CNTN5: variants seen among roughly 807,000 people sequenced by gnomAD.
The protein encoded by CNTN5 is contactin 5.
In CNTN5, 77 loss-of-function variants were observed where a neutral mutation model predicts 129.1. The ratio of observed to expected loss-of-function variants is 0.60; its 90% CI spans 0.50 to 0.72. The LOEUF is 0.72. CNTN5 is among the 30% of genes least tolerant of loss of function. CNTN5 has a pLI of 0.00. For missense variants in CNTN5, 1,478 were observed against 1,328.8 expected (o/e 1.11, Z -1.75); for synonymous variants, 509 against 465.6 (o/e 1.09, Z -1.20).
intron 3 of CNTN5, among the ~76,000 whole-genome samples, chr11:99,694,860 G>A (rs12420755): frequency 7.2e-5 from 11 of 152,090 alleles, no homozygotes; most frequent in South Asian, 4.1e-4. Flanking sequence ...CATGAACTGC[G>A]TCTCAAAACC....
At chr11:99,970,256 T>C (rs1472124026) in intron 8 of CNTN5, among the ~76,000 whole-genome samples, 1 of 152,216 alleles carries the variant, frequency 6.6e-6, no homozygotes, top group Non-Finnish European at 1.5e-5. Context: ...CAAAACACAC[T>C]GTCAAAAACA....
rs185710084 is a variant in CNTN5, at chr11:100,276,711, G to T, written c.2314+5470G>T. Among the ~76,000 whole-genome samples, 1,109 of 151,888 alleles carry T rather than the reference G, an allele frequency of 7.3e-3. 13 individuals are homozygous for T. The highest frequency in any genetic ancestry group is 0.01 in the Non-Finnish European group (708 of 67,966). On this transcript the variant is annotated intron_variant, in intron 18 of 24. Coordinates refer to ENST00000524871, the MANE Select transcript of CNTN5 (RefSeq NM_014361.4). Reference sequence around the variant, plus strand: ...ATACAGTAGGTATATATATTTTGGGGTTACATGAGATATTTTGATACAGGC... The same window carrying T: ...ATACAGTAGGTATATATATTTTGGGTTTACATGAGATATTTTGATACAGGC...
intron 16 of CNTN5, among the ~76,000 whole-genome samples, chr11:100,244,079 G>A (rs1040281510): frequency 3.3e-5 from 5 of 151,862 alleles, no homozygotes; most frequent in Non-Finnish European, 7.4e-5. Flanking sequence ...AAAATGTACT[G>A]GTTTCCACTA....
At position 100,195,088 on chromosome 11, in the gene CNTN5, C is replaced by T. The variant is rs147478541; in HGVS notation, c.1884+1425C>T. Among the ~76,000 whole-genome samples the T allele has an allele frequency of 9.4e-3, 1,427 of 151,826 alleles. 25 individuals are homozygous for T. Among genetic ancestry groups the T allele is most frequent in the African/African-American group, 0.032 (1,337 of 41,494 alleles). ...CTTCCTTTACCTTGGGTGATAATTC[C>T]TTCCTACAATACTTTTCCTACACAT... On this transcript the variant is annotated intron_variant, in intron 15 of 24. Transcript: ENST00000524871.
intron 18 of CNTN5, among the ~76,000 whole-genome samples, chr11:100,276,600 A>C (rs914219583): frequency 6.6e-6 from 1 of 151,576 alleles, no homozygotes; most frequent in Non-Finnish European, 1.5e-5. Context: ...AAATTGGTTC[A>C]GTCCAATTTC....
chr11:100,081,894 A>G (rs1322456410), intron 13 of CNTN5, among the ~76,000 whole-genome samples: 1 of 152,158 alleles, frequency 6.6e-6, no homozygotes, highest in Non-Finnish European at 1.5e-5. Flanking sequence ...TGAGATTAAT[A>G]TTTGGGGAAC....
intron 2 of CNTN5, among the ~76,000 whole-genome samples, chr11:99,412,372 A>C (rs1226837929): frequency 1.3e-5 from 2 of 152,192 alleles, no homozygotes; most frequent in Non-Finnish European, 2.9e-5. Context: ...ATATATAAAG[A>C]TCCCAACTTC....
At chr11:99,473,457 G>C (rs1034427391) in intron 2 of CNTN5, among the ~76,000 whole-genome samples, 1 of 152,044 alleles carries the variant, frequency 6.6e-6, no homozygotes, top group Non-Finnish European at 1.5e-5. Context: ...GCAAATTTTG[G>C]CTTTCTCATA....
At chr11:99,940,884 A>T (rs1452131220) in intron 7 of CNTN5, among the ~76,000 whole-genome samples, 1 of 149,526 alleles carries the variant, frequency 6.7e-6, no homozygotes, top group Non-Finnish European at 1.5e-5. Context: ...GCAAAACTGT[A>T]CAAGGAAGCA....
In CNTN5 at chr11:99,161,183, C is replaced by A. The variant is rs368976163; in HGVS notation, c.-210+139913C>A. Among the ~76,000 whole-genome samples, 14 of 151,944 alleles carry A rather than the reference C, an allele frequency of 9.2e-5. No homozygotes were observed. The East Asian group carries it at 1.4e-3, about 15-fold the overall frequency. ...ATATTTGTTTGCATGTTAATTACTG[C>A]AAATGTGAGTAGGAAGCATGATTAT... On this transcript the variant is annotated intron_variant, in intron 1 of 24. Coordinates refer to ENST00000524871, the MANE Select transcript of CNTN5 (RefSeq NM_014361.4).
chr11:100,198,240 T>C (rs987438936), intron 15 of CNTN5, among the ~76,000 whole-genome samples: 1 of 151,974 alleles, frequency 6.6e-6, no homozygotes, highest in African/African-American at 2.4e-5. Flanking sequence ...AAGAAAAATA[T>C]GACCATAAAA....
intron 1 of CNTN5, among the ~76,000 whole-genome samples, chr11:99,273,664 G>A (rs1863286078): frequency 2.0e-5 from 3 of 151,288 alleles, no homozygotes; most frequent in Admixed American, 1.3e-4. Flanking sequence ...AAGAAATTTG[G>A]GATAATTGAG....
At chr11:99,748,778 G>C (rs75459308) in intron 3 of CNTN5, among the ~76,000 whole-genome samples, 5,248 of 152,254 alleles carry the variant, frequency 0.034, 130 homozygotes, top group South Asian at 0.095. Flanking sequence ...GTTCTATCCA[G>C]GTCCTCAATG....
intron 3 of CNTN5, among the ~76,000 whole-genome samples, chr11:99,774,786 C>T (rs1945067527): frequency 6.6e-6 from 1 of 152,032 alleles, no homozygotes; most frequent in Admixed American, 6.6e-5. Flanking sequence ...AAACATGACT[C>T]TTTTCTGGCT....
chr11:99,987,095 C>T (rs1174369110), intron 8 of CNTN5, among the ~76,000 whole-genome samples: 1 of 152,024 alleles, frequency 6.6e-6, no homozygotes, highest in Non-Finnish European at 1.5e-5. Context: ...AGAACACAAA[C>T]ATTGAAATAC....
chr11:100,030,476 A>T (rs1483830510), intron 9 of CNTN5, among the ~76,000 whole-genome samples: 1 of 152,184 alleles, frequency 6.6e-6, no homozygotes, highest in African/African-American at 2.4e-5. Context: ...TATCATTAAC[A>T]TGGCATTTTT....
At chr11:99,938,385 T>C (rs1950361929) in intron 7 of CNTN5, among the ~76,000 whole-genome samples, 1 of 152,134 alleles carries the variant, frequency 6.6e-6, no homozygotes, top group African/African-American at 2.4e-5. Flanking sequence ...TGACACATAG[T>C]AAGTTCTTAT....
chr11:100,355,516 A>G (rs1303339470), intron 24 of CNTN5, among the ~76,000 whole-genome samples: 4 of 151,842 alleles, frequency 2.6e-5, no homozygotes, highest in African/African-American at 9.7e-5. Flanking sequence ...GTCATTTGTT[A>G]CCATTATCAA....
At chr11:100,246,164 A>G (rs1384018141) in intron 16 of CNTN5, among the ~76,000 whole-genome samples, 1 of 152,164 alleles carries the variant, frequency 6.6e-6, no homozygotes, top group Non-Finnish European at 1.5e-5. Context: ...ATATTGTCAA[A>G]GTTACAGACT....
Sources: gnomAD v4.1 joint callset for allele counts (sites outside exome capture counted in the v4.1 genomes callset) on GRCh38, gnomAD v4.1.1 for gene constraint, MANE v1.5 for transcripts, NCBI Gene and HGNC (gene_info 2026-07-23, HGNC 2026-07-21) for gene names.